The following CDC42BPA variants were observed in gnomAD, a reference collection of about 807,000 sequenced individuals.
CDC42BPA encodes CDC42 binding protein kinase alpha.
CDC42BPA carries 80 observed loss-of-function variants against 223.5 expected under a neutral mutation model. The ratio of observed to expected loss-of-function variants is 0.36; its 90% CI spans 0.30 to 0.43. The LOEUF is 0.43. Among genes scored for constraint, CDC42BPA ranks in the 20% least tolerant of loss-of-function variants. The probability of loss-of-function intolerance (pLI) is 1.00; values close to 1 mark genes in which losing one functional copy is unlikely to be tolerated. For synonymous variants in CDC42BPA, 694 were observed against 718.6 expected (o/e 0.97, Z 0.55); for missense variants, 1,743 against 2,099.9 (o/e 0.83, Z 3.32).
Position 227,297,967 on chromosome 1 carries a change from T to TATATATACAC in CDC42BPA, c.178+19037_178+19038insGTGTATATAT, listed in dbSNP as rs369403944. 4.7e-3 allele frequency among the ~76,000 whole-genome samples: 619 copies of TATATATACAC among 132,064 alleles called. 3 individuals carry two copies. The highest frequency in any genetic ancestry group is 0.015 in the African/African-American group (521 of 34,204). 86.6% of individuals were successfully genotyped at this position (132,064 alleles called of 152,430 possible). Reference sequence around the variant, plus strand: ...GTGTGTGTGTGTGTATATATACATATACACACACACACACATATATACATA... The same window carrying TATATATACAC: ...GTGTGTGTGTGTGTATATATACATATATATATACACACACACACACACACATATATACATA... On this transcript the variant is annotated intron_variant, in intron 1 of 36. Transcript: ENST00000366766.
intron 2 of CDC42BPA, among the ~76,000 whole-genome samples, chr1:227,248,651 CA>C (rs1209823597): frequency 6.6e-6 from 1 of 151,802 alleles, no homozygotes; most frequent in Non-Finnish European, 1.5e-5. Context: ...TTGTCCCCTA[CA>C]AAAAAATGTA....
intron 16 of CDC42BPA, among the ~76,000 whole-genome samples, chr1:227,089,702 T>C (rs918398047): frequency 6.1e-5 from 9 of 148,386 alleles, no homozygotes; most frequent in Non-Finnish European, 1.0e-4. Context: ...TTACATATAC[T>C]AGGCCTAAGT....
intron 34 of CDC42BPA, among the ~76,000 whole-genome samples, chr1:227,005,840 G>T (rs1663912324): frequency 6.6e-6 from 1 of 152,212 alleles, no homozygotes; most frequent in African/African-American, 2.4e-5. Flanking sequence ...TAGTGTGTGA[G>T]GTAGGAAAAT....
At position 227,028,948 on chromosome 1, in the gene CDC42BPA, G is replaced by T. The variant is rs149240330; in HGVS notation, c.4141C>A (p.Pro1381Thr). Residue 1381 changes from proline (P) to threonine (T), a missense_variant, in exon 30 of 37, where the codon CCA becomes ACA. Around this residue, in one of 6 missense-constraint regions of CDC42BPA, gnomAD observed 678 missense variants for 777.5 expected, o/e 0.87. Coordinates refer to ENST00000366766, the MANE Select transcript of CDC42BPA (RefSeq NM_001394014.1). ...RHRKFKEIQV[P>T]YNVQWMAIFS... ...ATTGCCATCCACTGGACATTATATG[G>T]GACTTGAATTTCTTTAAATTTTCTG... The T allele has an allele frequency of 4.3e-6, 7 of 1,613,960 alleles. No individual in the cohort carries two copies. The African/African-American group carries it at 8.0e-5, about 18-fold the overall frequency.
At chr1:227,081,045 A>G (rs1249575971) in intron 16 of CDC42BPA, 28 bp from the exon 17 acceptor site, 2 of 1,609,778 alleles carry the variant, frequency 1.2e-6, no homozygotes, top group Non-Finnish European at 8.5e-7. Context: ...GACATGCATG[A>G]CTTTTAGGAC....
At chr1:227,081,456 C>CT (rs34665842) in intron 16 of CDC42BPA, among the ~76,000 whole-genome samples, 4,838 of 145,736 alleles carry the variant, frequency 0.033, 86 homozygotes, top group South Asian at 0.055. Context: ...TTCTCTCTCT[C>CT]TTTTTTTTTT....
chr1:227,063,596 G>A (rs1676378355), intron 21 of CDC42BPA, among the ~76,000 whole-genome samples: 1 of 151,996 alleles, frequency 6.6e-6, no homozygotes, highest in Non-Finnish European at 1.5e-5. Flanking sequence ...AGGAAAAAAT[G>A]CATGTAACTT....
At chr1:227,061,747 T>C (rs147897151) in intron 21 of CDC42BPA, among the ~76,000 whole-genome samples, 4 of 152,348 alleles carry the variant, frequency 2.6e-5, no homozygotes, top group Admixed American at 2.0e-4. Context: ...TTCTCAACGA[T>C]TGCTTTCTTA....
intron 3 of CDC42BPA, among the ~76,000 whole-genome samples, chr1:227,203,563 A>T (rs545175650): frequency 1.7e-3 from 264 of 151,768 alleles, no homozygotes; most frequent in African/African-American, 5.2e-3. Context: ...TACCTTTTTT[A>T]AAAAAAACTA....
chr1:227,062,656 T>C (rs1265612437), intron 21 of CDC42BPA, among the ~76,000 whole-genome samples: 1 of 152,184 alleles, frequency 6.6e-6, no homozygotes, highest in African/African-American at 2.4e-5. Context: ...GTACTTAGCC[T>C]AGGTATTTCT....
chr1:227,170,341 G>C (rs1158780389), intron 5 of CDC42BPA, among the ~76,000 whole-genome samples: 1 of 151,822 alleles, frequency 6.6e-6, no homozygotes, highest in African/African-American at 2.4e-5. Context: ...CTATGTGTGT[G>C]AGCCATCTTG....
intron 6 of CDC42BPA, among the ~76,000 whole-genome samples, chr1:227,151,881 C>CAAAAAAAA (rs58336726): frequency 4.7e-5 from 4 of 85,760 alleles, no homozygotes; most frequent in Non-Finnish European, 6.5e-5. Flanking sequence ...CCAGTCTCTA[C>CAAAAAAAA]AAAAAAAAAA....
chr1:227,175,658 A>C (rs571028700), intron 5 of CDC42BPA, among the ~76,000 whole-genome samples: 1 of 152,162 alleles, frequency 6.6e-6, no homozygotes, highest in African/African-American at 2.4e-5. Flanking sequence ...ATCCCTATTA[A>C]ATTTGAAATT....
chr1:227,179,318 G>A (rs1667497454), intron 5 of CDC42BPA, among the ~76,000 whole-genome samples: 1 of 150,698 alleles, frequency 6.6e-6, no homozygotes. Context: ...TGAGTGGACT[G>A]TATGGTATAT....
At chr1:227,183,613 T>C (rs911887871) in intron 5 of CDC42BPA, among the ~76,000 whole-genome samples, 3 of 152,258 alleles carry the variant, frequency 2.0e-5, no homozygotes, top group Non-Finnish European at 2.9e-5. Context: ...GATACCTGTG[T>C]TGTTTCCGGT....
At chr1:227,027,235 A>G (rs188720321) in intron 30 of CDC42BPA, among the ~76,000 whole-genome samples, 67 of 152,030 alleles carry the variant, frequency 4.4e-4, no homozygotes, top group Middle Eastern at 3.4e-3. Context: ...AGGGTGGGGG[A>G]AAAAAAAGTC....
intron 11 of CDC42BPA, among the ~76,000 whole-genome samples, chr1:227,124,037 A>C (rs9426607): frequency 0.13 from 19,623 of 152,098 alleles, 1,341 homozygotes; most frequent in East Asian, 0.26. Context: ...TGAGGTATGA[A>C]TTTTTTATTT....
chr1:227,016,652 G>A (rs1483791561), intron 33 of CDC42BPA, among the ~76,000 whole-genome samples: 3 of 141,876 alleles, frequency 2.1e-5, no homozygotes, highest in Non-Finnish European at 1.5e-5. Context: ...ACTGTAGAAA[G>A]GTACACAATC....
At chr1:227,254,562 T>C (rs1319274518) in intron 1 of CDC42BPA, among the ~76,000 whole-genome samples, 1 of 152,230 alleles carries the variant, frequency 6.6e-6, no homozygotes, top group Admixed American at 6.5e-5. Flanking sequence ...AACTCATGTT[T>C]CTTTCACGCT....
Sources: gnomAD v4.1 joint callset for allele counts (sites outside exome capture counted in the v4.1 genomes callset) on GRCh38, gnomAD v4.1.1 for gene constraint, gnomAD v4.1.1 regional missense constraint, MANE v1.5 for transcripts, NCBI Gene and HGNC (gene_info 2026-07-23, HGNC 2026-07-21) for gene names.